AFTPH: variants seen among roughly 807,000 people sequenced by gnomAD.
The protein encoded by AFTPH is aftiphilin.
A neutral mutation model predicts 72.5 loss-of-function variants in AFTPH; 7 were observed. That is an observed-to-expected ratio of 0.10 (90% CI 0.05 to 0.18). The LOEUF is 0.18. Among genes scored for constraint, AFTPH ranks in the 10% least tolerant of loss-of-function variants. The pLI is 1.00. For synonymous variants in AFTPH, 337 were observed against 370.1 expected (o/e 0.91, Z 1.03); for missense variants, 979 against 1,060.5 (o/e 0.92, Z 1.07).
intron 8 of AFTPH, among the ~76,000 whole-genome samples, chr2:64,587,314 G>A (rs1673577283): frequency 6.6e-6 from 1 of 152,158 alleles, no homozygotes; most frequent in Non-Finnish European, 1.5e-5. Context: ...AAATTGGAGA[G>A]AACAGGTTGC....
chr2:64,589,838 C>T lies in AFTPH; in HGVS notation c.2580-2047C>T, dbSNP rs552562552. Among the ~76,000 whole-genome samples, 24 of 150,634 alleles carry T rather than the reference C, an allele frequency of 1.6e-4. No individual in the cohort carries two copies. The South Asian group carries it at 2.7e-3, about 17-fold the overall frequency. ...TATATTTTTAGAAAGTTAGGAAATC[C>T]GGACCAAAAAAAATTAAAAATGAAA... On this transcript the variant is annotated intron_variant, in intron 8 of 8. Coordinates refer to ENST00000238856, the Ensembl canonical transcript of AFTPH.
At chr2:64,577,088 G>A (rs1672864519) in intron 6 of AFTPH, among the ~76,000 whole-genome samples, 1 of 152,190 alleles carries the variant, frequency 6.6e-6, no homozygotes. Flanking sequence ...GCATTGGAAA[G>A]GCTAAGTGAT....
chr2:64,548,407 GA>G (rs57995634), intron 1 of AFTPH, among the ~76,000 whole-genome samples: 6,065 of 59,870 alleles, frequency 0.1, 36 homozygotes, highest in African/African-American at 0.22. Flanking sequence ...CTCAAAAAAA[GA>G]AAAAAAAAAA....
At chr2:64,538,138 C>T (rs1669988102) in intron 1 of AFTPH, among the ~76,000 whole-genome samples, 1 of 151,810 alleles carries the variant, frequency 6.6e-6, no homozygotes, top group Non-Finnish European at 1.5e-5. Flanking sequence ...TATGTTGGGT[C>T]ATCATGTAAA....
intron 1 of AFTPH, among the ~76,000 whole-genome samples, chr2:64,541,584 T>C (rs1184761710): frequency 2.6e-5 from 4 of 152,170 alleles, no homozygotes; most frequent in Non-Finnish European, 5.9e-5. Flanking sequence ...AGGGCTCTTT[T>C]CTACTTCTTT....
intron 6 of AFTPH, 53 bp downstream of exon 6, chr2:64,573,121 A>T: frequency 7.4e-7 from 1 of 1,355,236 alleles, no homozygotes; most frequent in Non-Finnish European, 1.0e-6. Flanking sequence ...ATACACATAT[A>T]TCCACACATA....
chr2:64,550,152 A>G (rs1670942563), intron 1 of AFTPH, among the ~76,000 whole-genome samples: 2 of 152,208 alleles, frequency 1.3e-5, no homozygotes. Context: ...GTAATAGGAA[A>G]ATACTGGAAA....
At chr2:64,550,929 A>C (rs1671008150) in intron 1 of AFTPH, among the ~76,000 whole-genome samples, 1 of 152,226 alleles carries the variant, frequency 6.6e-6, no homozygotes, top group Non-Finnish European at 1.5e-5. Flanking sequence ...TAAGTATTTA[A>C]AAATTAACTT....
chr2:64,544,613 T>A (rs1670454554), intron 1 of AFTPH, among the ~76,000 whole-genome samples: 1 of 148,878 alleles, frequency 6.7e-6, no homozygotes, highest in Non-Finnish European at 1.5e-5. Flanking sequence ...CAGGAACAGC[T>A]ATTTAAAGCC....
At chr2:64,564,797 A>T (rs1252835163) in intron 2 of AFTPH, among the ~76,000 whole-genome samples, 1 of 151,954 alleles carries the variant, frequency 6.6e-6, no homozygotes, top group Non-Finnish European at 1.5e-5. Flanking sequence ...AACTCATTAC[A>T]GGATGCCCTT....
At chr2:64,528,465 A>G (rs528721081) in intron 1 of AFTPH, among the ~76,000 whole-genome samples, 10 of 152,370 alleles carry the variant, frequency 6.6e-5, no homozygotes, top group African/African-American at 2.4e-4. Flanking sequence ...ATAAGCAAAT[A>G]GCAATAAAAT....
At chr2:64,525,268 T>G (rs1219886673) in intron 1 of AFTPH, among the ~76,000 whole-genome samples, 1 of 152,190 alleles carries the variant, frequency 6.6e-6, no homozygotes, top group Non-Finnish European at 1.5e-5. Context: ...AAGTGCCTGG[T>G]TTGGCAGGTG....
intron 2 of AFTPH, among the ~76,000 whole-genome samples, chr2:64,565,935 A>G (rs1672061477): frequency 6.6e-6 from 1 of 152,206 alleles, no homozygotes; most frequent in Non-Finnish European, 1.5e-5. Flanking sequence ...ACATTGCCCA[A>G]GTGGTTGGAT....
intron 2 of AFTPH, among the ~76,000 whole-genome samples, chr2:64,565,088 C>T (rs1671986921): frequency 1.3e-5 from 2 of 152,076 alleles, no homozygotes; most frequent in Admixed American, 1.3e-4. Context: ...ATCCACCCGC[C>T]TCGGCTTCCC....
chr2:64,588,023 A>G (rs1424588234), intron 8 of AFTPH, among the ~76,000 whole-genome samples: 1 of 152,198 alleles, frequency 6.6e-6, no homozygotes, highest in Non-Finnish European at 1.5e-5. Flanking sequence ...TATATTCACA[A>G]GGTTGTGCAA....
intron 8 of AFTPH, 122 bp from the exon 10 acceptor site, chr2:64,591,766 A>G (rs1673839154): frequency 9.8e-7 from 1 of 1,020,526 alleles, no homozygotes; most frequent in African/African-American, 1.6e-5. Context: ...AGGAACTAGC[A>G]GAGGAAAAAA....
chr2:64,591,867 C>CT, intron 8 of AFTPH, 21 bp from the exon 10 acceptor site: 1 of 1,612,830 alleles, frequency 6.2e-7, no homozygotes. Flanking sequence ...ACACACTTGT[C>CT]TTTTTTTCAT....
At chr2:64,561,842 T>C (rs1469434706) in intron 2 of AFTPH, among the ~76,000 whole-genome samples, 1 of 152,240 alleles carries the variant, frequency 6.6e-6, no homozygotes, top group African/African-American at 2.4e-5. Context: ...CAACTAACTT[T>C]GTTGAAAACA....
At chr2:64,585,685 G>GA in intron 8 of AFTPH, 140 bp downstream of exon 9, 2 of 868,358 alleles carry the variant, frequency 2.3e-6, no homozygotes, top group Non-Finnish European at 3.4e-6. Flanking sequence ...CCCAAGTCCA[G>GA]AAAATATTAT....
Sources: gnomAD v4.1 joint callset for allele counts (sites outside exome capture counted in the v4.1 genomes callset) on GRCh38, gnomAD v4.1.1 for gene constraint, MANE v1.5 for transcripts, NCBI Gene and HGNC (gene_info 2026-07-23, HGNC 2026-07-21) for gene names.